XRCC4: variants seen among roughly 807,000 people sequenced by gnomAD.
XRCC4 encodes the protein X-ray repair cross complementing 4.
A neutral mutation model predicts 39.1 loss-of-function variants in XRCC4; 28 were observed. That is an observed-to-expected ratio of 0.72 (90% CI 0.53 to 0.98). The LOEUF is 0.98. Among genes scored for constraint, XRCC4 ranks in the 50% least tolerant of loss-of-function variants. The probability of loss-of-function intolerance (pLI) is 0.00; values close to 1 mark genes in which losing one functional copy is unlikely to be tolerated. For missense variants in XRCC4, 350 were observed against 376.4 expected, an observed-to-expected ratio of 0.93 and a Z score of 0.58; for synonymous variants, 123 against 126.4, an observed-to-expected ratio of 0.97 and a Z score of 0.18.
chr5:83,306,356 C>T (rs1455914876), intron 7 of XRCC4, among the ~76,000 whole-genome samples: 4 of 152,134 alleles, frequency 2.6e-5, no homozygotes, highest in Non-Finnish European at 5.9e-5. Context: ...GTATGTTCAT[C>T]TCACTTCAAA....
At chr5:83,109,569 A>T (rs1334210285) in intron 2 of XRCC4, among the ~76,000 whole-genome samples, 1 of 151,966 alleles carries the variant, frequency 6.6e-6, no homozygotes, top group African/African-American at 2.4e-5. Flanking sequence ...CATTCCAACA[A>T]ATAACGAGAT....
intron 6 of XRCC4, 50 bp from the exon 7 acceptor site, chr5:83,258,480 A>G: frequency 6.3e-7 from 1 of 1,583,982 alleles, no homozygotes; most frequent in Non-Finnish European, 8.6e-7. Flanking sequence ...ATACTTACAA[A>G]TGATGTGCAT....
intron 1 of XRCC4, among the ~76,000 whole-genome samples, chr5:83,099,004 A>T (rs986501517): frequency 6.6e-6 from 1 of 152,204 alleles, no homozygotes; most frequent in Non-Finnish European, 1.5e-5. Context: ...ATAAGACTTT[A>T]AAACAATCTG....
the XRCC4 span, among the ~76,000 whole-genome samples, chr5:83,364,658 A>G: frequency 1.3e-5 from 2 of 152,194 alleles, no homozygotes; most frequent in Admixed American, 1.3e-4. Flanking sequence ...ACTTGGGGTC[A>G]CCCATCAGTC....
intron 7 of XRCC4, among the ~76,000 whole-genome samples, chr5:83,302,058 C>T (rs896007696): frequency 2.0e-5 from 3 of 152,092 alleles, no homozygotes; most frequent in Non-Finnish European, 4.4e-5. Flanking sequence ...TGCCCCTCCC[C>T]CTACTAAGCT....
At chr5:83,179,359 G>A (rs1750104203) in intron 3 of XRCC4, among the ~76,000 whole-genome samples, 1 of 152,070 alleles carries the variant, frequency 6.6e-6, no homozygotes, top group South Asian at 2.1e-4. Flanking sequence ...TTAAATATGA[G>A]GCAAAGACAT....
intron 3 of XRCC4, among the ~76,000 whole-genome samples, chr5:83,140,437 G>T (rs928510963): frequency 6.6e-6 from 1 of 152,042 alleles, no homozygotes; most frequent in Non-Finnish European, 1.5e-5. Flanking sequence ...CACCTTTCTC[G>T]CCTGCTTTGT....
At chr5:83,174,196 G>A (rs917347687) in intron 3 of XRCC4, among the ~76,000 whole-genome samples, 2 of 152,086 alleles carry the variant, frequency 1.3e-5, no homozygotes, top group Non-Finnish European at 2.9e-5. Flanking sequence ...CTGTAGTTTT[G>A]TGAACTGGTT....
chr5:83,163,498 G>A (rs1264505956), intron 3 of XRCC4, among the ~76,000 whole-genome samples: 1 of 152,164 alleles, frequency 6.6e-6, no homozygotes, highest in Admixed American at 6.5e-5. Flanking sequence ...TTGCATGTCT[G>A]TTGACAGAGC....
intron 3 of XRCC4, among the ~76,000 whole-genome samples, chr5:83,154,644 G>T (rs1427213201): frequency 6.6e-6 from 1 of 151,934 alleles, no homozygotes; most frequent in African/African-American, 2.4e-5. Context: ...GGCTTTCTTT[G>T]TCTTTAGTTA....
chr5:83,112,267 G>GT (rs1055770179), intron 3 of XRCC4, among the ~76,000 whole-genome samples: 2 of 152,130 alleles, frequency 1.3e-5, no homozygotes, highest in Non-Finnish European at 2.9e-5. Flanking sequence ...GTTATTTATT[G>GT]TAAGTGTTCT....
chr5:83,287,693 T>C (rs1184396436), intron 7 of XRCC4, among the ~76,000 whole-genome samples: 1 of 151,956 alleles, frequency 6.6e-6, no homozygotes, highest in Non-Finnish European at 1.5e-5. Context: ...TGGAACATAT[T>C]TTAAATGAAT....
chr5:83,344,245 T>TG (rs1418100918), intron 7 of XRCC4, among the ~76,000 whole-genome samples: 4 of 151,460 alleles, frequency 2.6e-5, no homozygotes, highest in African/African-American at 9.7e-5. Flanking sequence ...AATGTGTGTA[T>TG]TTTTTTTAAG....
chr5:83,219,307 TG>T lies in XRCC4; in HGVS notation c.745+14392del, dbSNP rs368382186. Among the ~76,000 whole-genome samples the T allele has an allele frequency of 8.5e-4, 129 of 152,130 alleles. 1 individual carries two copies. The Middle Eastern group carries it at 0.01, about 12-fold the overall frequency. On this transcript the variant is annotated intron_variant, in intron 6 of 7. Coordinates refer to ENST00000396027, the MANE Select transcript of XRCC4 (RefSeq NM_003401.5). ...GCAAAATATCTTTTTTTGGGTGTGT[TG>T]GGGGGTGAGGGGGATTTCCACCCAT...
chr5:83,086,585 G>C (rs1477556621), intron 1 of XRCC4, among the ~76,000 whole-genome samples: 3 of 152,132 alleles, frequency 2.0e-5, no homozygotes, highest in African/African-American at 4.8e-5. Context: ...TGATCTTGCT[G>C]TCTCTGGGCT....
At chr5:83,357,439 TTA>T (rs752844582), downstream of XRCC4, among the ~76,000 whole-genome samples, 1 of 152,048 alleles carries the variant, frequency 6.6e-6, no homozygotes, top group Non-Finnish European at 1.5e-5. Flanking sequence ...AATTAAGAGA[TTA>T]TGAGAAATCG....
intron 3 of XRCC4, among the ~76,000 whole-genome samples, chr5:83,162,319 G>A (rs1749254927): frequency 6.6e-6 from 1 of 152,118 alleles, no homozygotes; most frequent in African/African-American, 2.4e-5. Flanking sequence ...TGGTTACCCT[G>A]CTTGCTGTTG....
At chr5:83,284,165 C>T (rs1161377217) in intron 7 of XRCC4, among the ~76,000 whole-genome samples, 8 of 149,462 alleles carry the variant, frequency 5.4e-5, no homozygotes. Flanking sequence ...TATTGATGAT[C>T]CTATTCATGA....
At chr5:83,098,860 T>A (rs1447615063) in intron 1 of XRCC4, among the ~76,000 whole-genome samples, 1 of 152,136 alleles carries the variant, frequency 6.6e-6, no homozygotes, top group Non-Finnish European at 1.5e-5. Flanking sequence ...AAATAATCCT[T>A]TTCTTTGCAC....
Sources: gnomAD v4.1 joint callset for allele counts (sites outside exome capture counted in the v4.1 genomes callset) on GRCh38, gnomAD v4.1.1 for gene constraint, MANE v1.5 for transcripts, NCBI Gene and HGNC (gene_info 2026-07-23, HGNC 2026-07-21) for gene names.